KCNU1: variants seen among roughly 807,000 people sequenced by gnomAD.
The protein encoded by KCNU1 is potassium calcium-activated channel subfamily U member 1, also known as potassium channel subfamily U member 1.
In KCNU1, 93 loss-of-function variants were observed where a neutral mutation model predicts 126.8. The ratio of observed to expected loss-of-function variants is 0.73; its 90% CI spans 0.62 to 0.87. The LOEUF (loss-of-function observed/expected upper bound fraction) is 0.87. Among genes scored for constraint, KCNU1 ranks in the 40% least tolerant of loss-of-function variants. The pLI, the probability that KCNU1 is intolerant of heterozygous loss-of-function variation, is 0.00. For missense variants in KCNU1, 1,330 were observed against 1,367.1 expected, an observed-to-expected ratio of 0.97 and a Z score of 0.43; for synonymous variants, 523 against 494.2, an observed-to-expected ratio of 1.06 and a Z score of -0.77.
chr8:36,895,193 C>T (rs944339576), intron 19 of KCNU1, among the ~76,000 whole-genome samples: 2 of 151,920 alleles, frequency 1.3e-5, no homozygotes, highest in Non-Finnish European at 2.9e-5. Flanking sequence ...AGTCTTCTGC[C>T]TCAGACTTCC....
intron 18 of KCNU1, among the ~76,000 whole-genome samples, chr8:36,846,807 CTT>C (rs1805168613): frequency 1.6e-5 from 2 of 124,548 alleles, no homozygotes; most frequent in Non-Finnish European, 3.6e-5. Context: ...AAAAAAAAAA[CTT>C]AGCCTTGTCC....
At chr8:36,809,885 T>C (rs1803646170) in intron 7 of KCNU1, among the ~76,000 whole-genome samples, 1 of 152,196 alleles carries the variant, frequency 6.6e-6, no homozygotes, top group Non-Finnish European at 1.5e-5. Context: ...GTTTTCACTT[T>C]TTGTTTGCTA....
rs764359993 is a variant in KCNU1, at chr8:36,836,357, C to A, written c.1357C>A (p.His453Asn). 1 of 1,589,602 alleles carries A rather than the reference C, an allele frequency of 6.3e-7. No homozygotes were observed. Among genetic ancestry groups the A allele is most frequent in the Non-Finnish European group, 8.6e-7 (1 of 1,159,114 alleles). Reference sequence around the variant, plus strand: ...AATCATCATACAGATACTGCAATCCCATAACAAGGTATAGTAACATTCTAG... The same window carrying A: ...AATCATCATACAGATACTGCAATCCAATAACAAGGTATAGTAACATTCTAG... The part of the protein sequence containing the change: ...TRIIIQILQS[H>N]NKVYLPKIPS... Residue 453 changes from histidine (H) to asparagine (N), a missense_variant, in exon 13 of 27, where the codon CAT becomes AAT. By Grantham distance (68) the His-to-Asn change is moderately conservative (BLOSUM62 1). Around this residue, in one of 3 missense-constraint regions of KCNU1, gnomAD observed 1,054 missense variants for 1,053.9 expected, o/e 1.00. Transcript: ENST00000399881.
intron 22 of KCNU1, among the ~76,000 whole-genome samples, chr8:36,912,238 C>T (rs996493085): frequency 3.3e-5 from 5 of 152,156 alleles, no homozygotes; most frequent in Non-Finnish European, 5.9e-5. Context: ...GTGATTGAAA[C>T]TGGGAAACCA....
At chr8:36,833,335 T>C (rs961379611) in intron 10 of KCNU1, among the ~76,000 whole-genome samples, 2 of 152,196 alleles carry the variant, frequency 1.3e-5, no homozygotes, top group African/African-American at 2.4e-5. Context: ...TGATTTAAAA[T>C]GTTATGCCTG....
intron 24 of KCNU1, among the ~76,000 whole-genome samples, chr8:36,927,697 G>T (rs1808574735): frequency 6.6e-6 from 1 of 152,074 alleles, no homozygotes; most frequent in Admixed American, 6.6e-5. Flanking sequence ...TATACCATTA[G>T]GTAATACTCT....
intron 19 of KCNU1, among the ~76,000 whole-genome samples, chr8:36,894,354 A>C (rs1239076034): frequency 6.6e-6 from 1 of 152,156 alleles, no homozygotes; most frequent in Non-Finnish European, 1.5e-5. Flanking sequence ...TTTGTAATCA[A>C]AGTTTGTTTC....
At chr8:36,908,884 A>T (rs1221479417) in intron 20 of KCNU1, among the ~76,000 whole-genome samples, 3 of 152,178 alleles carry the variant, frequency 2.0e-5, no homozygotes, top group African/African-American at 7.2e-5. Flanking sequence ...TGTAATTTTC[A>T]GGACTCACTA....
Position 36,848,082 on chromosome 8 carries a change from A to G in KCNU1, c.1891+2183A>G, listed in dbSNP as rs144551976. 3.7e-3 allele frequency among the ~76,000 whole-genome samples: 569 copies of G among 152,350 alleles called. 4 individuals carry two copies. The highest frequency in any genetic ancestry group is 3.9e-3 in the Non-Finnish European group (267 of 68,030). On this transcript the variant is annotated intron_variant, in intron 18 of 26. Coordinates refer to ENST00000399881, the MANE Select transcript of KCNU1 (RefSeq NM_001031836.3). ...TCTTTGATAATTAATGATGTTAAACATACTTATATACCATTTGTATGTCTT... is the reference window on the plus strand; with the variant it reads ...TCTTTGATAATTAATGATGTTAAACGTACTTATATACCATTTGTATGTCTT...
intron 11 of KCNU1, among the ~76,000 whole-genome samples, chr8:36,834,440 TAC>T (rs1804672599): frequency 6.6e-6 from 1 of 152,212 alleles, no homozygotes; most frequent in Non-Finnish European, 1.5e-5. Context: ...GATAAGTAAA[TAC>T]ACAGACGGTT....
At chr8:36,863,974 A>G (rs747517692) in intron 18 of KCNU1, among the ~76,000 whole-genome samples, 1 of 152,194 alleles carries the variant, frequency 6.6e-6, no homozygotes, top group Admixed American at 6.5e-5. Context: ...GAAAGCCTCA[A>G]AGAAAACATA....
At chr8:36,884,741 A>G (rs1278757741) in intron 19 of KCNU1, among the ~76,000 whole-genome samples, 1 of 151,978 alleles carries the variant, frequency 6.6e-6, no homozygotes, top group African/African-American at 2.4e-5. Flanking sequence ...GTGAGGCTTC[A>G]TCTCAAAAAA....
At chr8:36,823,572 A>C (rs1446084385) in intron 10 of KCNU1, among the ~76,000 whole-genome samples, 1 of 152,038 alleles carries the variant, frequency 6.6e-6, no homozygotes, top group Non-Finnish European at 1.5e-5. Context: ...ATATTTCCTC[A>C]AAATTTTATT....
chr8:36,813,109 A>G (rs1803783500), intron 7 of KCNU1, among the ~76,000 whole-genome samples: 1 of 152,158 alleles, frequency 6.6e-6, no homozygotes, highest in Non-Finnish European at 1.5e-5. Flanking sequence ...GAAGTCAGTG[A>G]CTTTGCAACA....
chr8:36,840,937 G>A lies in KCNU1; in HGVS notation c.1637G>A (p.Cys546Tyr). ...CTCCTCGTCTTCCTTCCCAGGCTCT[G>A]CTTTCTGAAGATGCACCTCCTGTTG... Reference protein sequence around the residue: ...GMSFPEVARLCFLKMHLLLIA... With the variant: ...GMSFPEVARLYFLKMHLLLIA... Residue 546 changes from cysteine to tyrosine, a missense_variant, in exon 16 of 27, where the codon TGC becomes TAC. By Grantham distance (194) the Cys-to-Tyr change is radical. This residue lies in a region of KCNU1 where 1,054 missense variants were observed against 1,053.9 expected (regional missense o/e 1.00). Transcript: ENST00000399881. 6.2e-7 allele frequency: 1 copy of A among 1,611,732 alleles called. No individual in the cohort carries two copies. Among genetic ancestry groups the A allele is most frequent in the Non-Finnish European group, 8.5e-7 (1 of 1,178,414 alleles).
intron 3 of KCNU1, 27 bp from the exon 4 acceptor site, chr8:36,805,168 C>T (rs1803451634): frequency 1.9e-6 from 3 of 1,540,546 alleles, no homozygotes; most frequent in Non-Finnish European, 2.7e-6. Context: ...TGTTGATCTT[C>T]ACAAACTGTC....
At chr8:36,925,181 A>G (rs1354285191) in intron 24 of KCNU1, among the ~76,000 whole-genome samples, 1 of 152,176 alleles carries the variant, frequency 6.6e-6, no homozygotes, top group Non-Finnish European at 1.5e-5. Context: ...TGTGCTATAT[A>G]GAGAATAAAG....
At chr8:36,904,654 G>C (rs1411903739) in intron 19 of KCNU1, among the ~76,000 whole-genome samples, 1 of 152,118 alleles carries the variant, frequency 6.6e-6, no homozygotes, top group Non-Finnish European at 1.5e-5. Flanking sequence ...CCAATGAGAT[G>C]TGAGGAGAAA....
chr8:36,822,489 T>A lies in KCNU1; in HGVS notation c.1106+4729T>A, dbSNP rs545295175. Among the ~76,000 whole-genome samples the A allele has an allele frequency of 5.5e-4, 84 of 152,258 alleles. 1 individual carries two copies. The highest frequency in any genetic ancestry group is 1.1e-3 in the Non-Finnish European group (73 of 68,020). Reference sequence around the variant, plus strand: ...AAGGAATACAAAAAATAATAACTTGTTATTTAAGCTACAAGGTTCTTGTAA... The same window carrying A: ...AAGGAATACAAAAAATAATAACTTGATATTTAAGCTACAAGGTTCTTGTAA... On this transcript the variant is annotated intron_variant, in intron 10 of 26. Transcript: ENST00000399881.
Sources: allele counts gnomAD v4.1 joint callset (sites outside exome capture counted in the v4.1 genomes callset), GRCh38; gene constraint gnomAD v4.1.1; regional missense constraint gnomAD v4.1.1; transcripts MANE v1.5; gene names NCBI Gene and HGNC (gene_info 2026-07-23, HGNC 2026-07-21).